The following AFG2A variants were observed in gnomAD, a reference collection of about 807,000 sequenced individuals.
AFG2A encodes ATPase family gene 2 protein homolog A.
chr4:123,149,572 G>A, the AFG2A span, among the ~76,000 whole-genome samples: 2 of 152,086 alleles, frequency 1.3e-5, no homozygotes, highest in Non-Finnish European at 2.9e-5. Context: ...ATGTACATCA[G>A]AATATGCAAA....
At chr4:123,175,343 C>CTAGA in the AFG2A span, among the ~76,000 whole-genome samples, 3 of 152,044 alleles carry the variant, frequency 2.0e-5, no homozygotes, top group Non-Finnish European at 4.4e-5. Flanking sequence ...AAAGTTGTTA[C>CTAGA]TAGACAATTC....
the AFG2A span, among the ~76,000 whole-genome samples, chr4:122,988,646 C>T: frequency 6.6e-6 from 1 of 152,096 alleles, no homozygotes; most frequent in African/African-American, 2.4e-5. Context: ...CCACCCGCCT[C>T]AGCCTCCTAA....
chr4:123,024,277 A>G, the AFG2A span, among the ~76,000 whole-genome samples: 1 of 138,764 alleles, frequency 7.2e-6, no homozygotes, highest in Non-Finnish European at 1.6e-5. Flanking sequence ...CTGTGGCACA[A>G]CGGGTGATGA....
At chr4:122,926,564 A>C in the AFG2A span, among the ~76,000 whole-genome samples, 4 of 152,232 alleles carry the variant, frequency 2.6e-5, no homozygotes, top group Admixed American at 6.5e-5. Context: ...TAGTGACAGA[A>C]TAATGTAAAT....
At chr4:123,146,083 A>T in the AFG2A span, among the ~76,000 whole-genome samples, 3 of 152,154 alleles carry the variant, frequency 2.0e-5, no homozygotes, top group Non-Finnish European at 4.4e-5. Context: ...TTTCTCAACA[A>T]CACTAGATGC....
At chr4:122,999,032 T>C in the AFG2A span, among the ~76,000 whole-genome samples, 6 of 151,940 alleles carry the variant, frequency 3.9e-5, no homozygotes, top group East Asian at 7.7e-4. Flanking sequence ...TATCTCATTG[T>C]GGTTTTGATT....
chr4:123,198,691 C>T, the AFG2A span, among the ~76,000 whole-genome samples: 8 of 152,150 alleles, frequency 5.3e-5, no homozygotes, highest in Non-Finnish European at 1.2e-4. Flanking sequence ...CTAAAAGTTC[C>T]CAATGATTAG....
At chr4:123,176,142 C>T in the AFG2A span, among the ~76,000 whole-genome samples, 646 of 152,302 alleles carry the variant, frequency 4.2e-3, 6 homozygotes, top group African/African-American at 0.015. Flanking sequence ...GGTAAAGAAG[C>T]AGTCACTCTT....
chr4:123,301,744 A>G, the AFG2A span, among the ~76,000 whole-genome samples: 1 of 152,202 alleles, frequency 6.6e-6, no homozygotes, highest in Non-Finnish European at 1.5e-5. Flanking sequence ...CCCCTGTTTA[A>G]CACAGATAGC....
At chr4:123,174,900 G>A in the AFG2A span, among the ~76,000 whole-genome samples, 1 of 151,594 alleles carries the variant, frequency 6.6e-6, no homozygotes, top group Non-Finnish European at 1.5e-5. Flanking sequence ...GCACGATCAC[G>A]GCTCACTGCA....
chr4:123,248,967 CCAAA>C, the AFG2A span, among the ~76,000 whole-genome samples: 1 of 152,214 alleles, frequency 6.6e-6, no homozygotes, highest in African/African-American at 2.4e-5. Context: ...ATGCCATATG[CCAAA>C]CACTGAGCTA....
chr4:123,200,336 C>T, the AFG2A span, among the ~76,000 whole-genome samples: 12 of 152,154 alleles, frequency 7.9e-5, no homozygotes, highest in Admixed American at 5.9e-4. Flanking sequence ...CAGAATCATG[C>T]GGGAAGTTGC....
the AFG2A span, among the ~76,000 whole-genome samples, chr4:123,259,650 G>C: frequency 6.6e-6 from 1 of 152,024 alleles, no homozygotes; most frequent in Non-Finnish European, 1.5e-5. Context: ...TCTGATTTTT[G>C]TTTTTTAAGT....
chr4:123,022,345 A>AAAG, the AFG2A span, among the ~76,000 whole-genome samples: 1 of 152,146 alleles, frequency 6.6e-6, no homozygotes, highest in African/African-American at 2.4e-5. Context: ...TTACAAGAAA[A>AAAG]CAAACAACCC....
chr4:123,002,632 C>G, the AFG2A span, among the ~76,000 whole-genome samples: 1 of 152,112 alleles, frequency 6.6e-6, no homozygotes. Context: ...GAATATTGGC[C>G]TCCACTCTCT....
At chr4:123,076,575 TG>T in the AFG2A span, among the ~76,000 whole-genome samples, 3 of 148,658 alleles carry the variant, frequency 2.0e-5, no homozygotes, top group African/African-American at 7.4e-5. Flanking sequence ...TTTTTAGAGA[TG>T]GGGTGAGTCA....
the AFG2A span, among the ~76,000 whole-genome samples, chr4:123,164,768 G>A: frequency 0.034 from 5,205 of 152,120 alleles, 305 homozygotes; most frequent in African/African-American, 0.12. Flanking sequence ...ATAATTGAGC[G>A]ATTATGACAG....
chr4:123,240,960 G>A, the AFG2A span, among the ~76,000 whole-genome samples: 52 of 152,078 alleles, frequency 3.4e-4, no homozygotes, highest in Admixed American at 9.2e-4. Flanking sequence ...TATCACCACC[G>A]ATCCCACAGA....
At chr4:123,035,530 G>A in the AFG2A span, among the ~76,000 whole-genome samples, 1 of 152,072 alleles carries the variant, frequency 6.6e-6, no homozygotes, top group Non-Finnish European at 1.5e-5. Flanking sequence ...ATAGTAACCT[G>A]TTATTCTTGG....
Sources: allele counts gnomAD v4.1 joint callset (sites outside exome capture counted in the v4.1 genomes callset), GRCh38; gene constraint gnomAD v4.1.1; transcripts MANE v1.5; gene names NCBI Gene and HGNC (gene_info 2026-07-23, HGNC 2026-07-21).